DUOX1: variants seen among roughly 807,000 people sequenced by gnomAD.
DUOX1 encodes NADPH thyroid oxidase 1.
A neutral mutation model predicts 181.8 loss-of-function variants in DUOX1; 134 were observed. That is an observed-to-expected ratio of 0.74 (90% CI 0.64 to 0.85). The LOEUF is 0.85. DUOX1 is among the 40% of genes least tolerant of loss of function. The probability of loss-of-function intolerance (pLI) is 0.00; values close to 1 mark genes in which losing one functional copy is unlikely to be tolerated. For synonymous variants in DUOX1, 798 were observed against 832.5 expected, an observed-to-expected ratio of 0.96 and a Z score of 0.71; for missense variants, 1,814 against 2,064.4, an observed-to-expected ratio of 0.88 and a Z score of 2.35.
At chr15:45,143,075 C>A in intron 15 of DUOX1, 115 bp from the exon 16 acceptor site, 2 of 735,160 alleles carry the variant, frequency 2.7e-6, no homozygotes, top group African/African-American at 1.8e-5. Context: ...ATTGAGCAAG[C>A]TGACCTAGGA....
chr15:45,142,874 G>A (rs538092031), intron 15 of DUOX1, among the ~76,000 whole-genome samples: 43 of 152,216 alleles, frequency 2.8e-4, no homozygotes, highest in African/African-American at 1.0e-3. Flanking sequence ...TGGCAAGGCT[G>A]TGTGTGGGTC....
In DUOX1 at chr15:45,141,076, G is replaced by T. The variant is rs1386221814; in HGVS notation, c.1565+6G>T. On this transcript the variant is annotated splice_donor_region_variant and intron_variant, in intron 13 of 33. Coordinates refer to ENST00000389037, the MANE Select transcript of DUOX1 (RefSeq NM_175940.3). ...TTTGAGAACACCAGGAATGGGTAAGGCGTGCTGGGCCTCCGCCTCAGGCTC... is the reference window on the plus strand; with the variant it reads ...TTTGAGAACACCAGGAATGGGTAAGTCGTGCTGGGCCTCCGCCTCAGGCTC... 1 of 1,614,084 alleles carries T rather than the reference G, an allele frequency of 6.2e-7. No homozygotes were observed. The highest frequency in any genetic ancestry group is 8.5e-7 in the Non-Finnish European group (1 of 1,180,042).
At chr15:45,137,138 G>A (rs1039528652) in intron 9 of DUOX1, among the ~76,000 whole-genome samples, 10 of 149,720 alleles carry the variant, frequency 6.7e-5, no homozygotes, top group Non-Finnish European at 1.3e-4. Flanking sequence ...ACCTGAGGTC[G>A]GGAGTTAGAG....
At chr15:45,158,700 CAAAAAAAAAAAAAA>C (rs58522871) in intron 28 of DUOX1, among the ~76,000 whole-genome samples, 4 of 47,042 alleles carry the variant, frequency 8.5e-5, no homozygotes, top group Non-Finnish European at 1.0e-4. Context: ...ACTTCCATCT[CAAAAAAAAAAAAAA>C]AAAAAAAAAA....
intron 18 of DUOX1, 142 bp downstream of exon 18, chr15:45,145,222 G>T: frequency 1.3e-6 from 1 of 789,758 alleles, no homozygotes; most frequent in Non-Finnish European, 1.9e-6. Flanking sequence ...TGAATCACCA[G>T]ACTTTATCAT....
chr15:45,161,869 G>C lies in DUOX1; in HGVS notation c.3988G>C (p.Asp1330His). Residue 1330 changes from aspartate to histidine, a missense_variant, in exon 30 of 34, where the codon GAC (aspartate) becomes CAC (histidine). Around this residue, in one of 5 missense-constraint regions of DUOX1, gnomAD observed 279 missense variants for 381.9 expected, o/e 0.73. Transcript: ENST00000389037. ...PFTLTSAPHE[D>H]TLSLHIRAAG... is the part of the protein sequence containing the mutation. ...CACACTGACCTCTGCGCCCCATGAGGACACGCTTAGCCTGCACATCCGGGC... is the reference window on the plus strand; with the variant it reads ...CACACTGACCTCTGCGCCCCATGAGCACACGCTTAGCCTGCACATCCGGGC... 6.2e-7 allele frequency: 1 copy of C among 1,613,786 alleles called. No homozygotes were observed. The highest frequency in any genetic ancestry group is 8.5e-7 in the Non-Finnish European group (1 of 1,179,950).
chr15:45,141,090 C>T lies in DUOX1; in HGVS notation c.1565+20C>T, dbSNP rs779532602. The T allele has an allele frequency of 9.9e-6, 16 of 1,614,092 alleles. No homozygotes were observed. Among genetic ancestry groups the T allele is most frequent in the South Asian group, 7.7e-5 (7 of 91,072 alleles). The stretch of plus-strand genomic sequence containing the variant: ...GAATGGGTAAGGCGTGCTGGGCCTC[C>T]GCCTCAGGCTCTACCTCGGCCTGGG... On this transcript the variant is annotated intron_variant, in intron 13 of 33. Coordinates refer to ENST00000389037, the MANE Select transcript of DUOX1 (RefSeq NM_175940.3).
intron 15 of DUOX1, among the ~76,000 whole-genome samples, chr15:45,142,898 G>A (rs554628564): frequency 1.1e-4 from 16 of 152,186 alleles, no homozygotes; most frequent in South Asian, 8.3e-4. Context: ...TAGCAGCCTG[G>A]TGGGGTGAGT....
intron 31 of DUOX1, 93 bp downstream of exon 31, chr15:45,162,470 C>T: frequency 6.6e-7 from 1 of 1,505,636 alleles, no homozygotes; most frequent in Non-Finnish European, 9.0e-7. Flanking sequence ...TTGTTCTTGG[C>T]TTCCCTGAAC....
At chr15:45,147,881 T>C in intron 19 of DUOX1, 23 bp from the exon 20 acceptor site, 1 of 1,604,788 alleles carries the variant, frequency 6.2e-7, no homozygotes, top group Middle Eastern at 1.7e-4. Flanking sequence ...GGGGCTCTCC[T>C]TATGGAGTCC....
Position 45,135,682 on chromosome 15 carries a change from C to A in DUOX1, c.697+7C>A. 1.4e-6 allele frequency: 2 copies of A among 1,460,802 alleles called. No homozygotes were observed. Among genetic ancestry groups the A allele is most frequent in the East Asian group, 2.5e-5 (1 of 40,170 alleles). The allele number at this position is 1,460,802 out of a possible 1,614,324, so 90.5% of individuals were successfully genotyped here. On this transcript the variant is annotated splice_region_variant and intron_variant, in intron 6 of 33. Transcript: ENST00000389037. ...GGGCCCCGGGGGCTGTACGGTGAGG[C>A]CACAGGGGCGGGACGGGGCCGGCTG...
At position 45,159,879 on chromosome 15, in the gene DUOX1, G is replaced by A. The variant is rs376226876; in HGVS notation, c.3703-958G>A. ...AGGAAGCAAAAGTACTGTTGGCCGC[G>A]CGCGGTGGCTCACACCTGTAATCTC... On this transcript the variant is annotated intron_variant, in intron 28 of 33. Transcript: ENST00000389037. Among the ~76,000 whole-genome samples the A allele has an allele frequency of 5.9e-5, 9 of 152,172 alleles. 1 individual carries two copies. The South Asian group carries it at 1.2e-3, about 21-fold the overall frequency.
At chr15:45,159,117 T>C (rs756124231) in intron 28 of DUOX1, among the ~76,000 whole-genome samples, 1 of 152,120 alleles carries the variant, frequency 6.6e-6, no homozygotes, top group East Asian at 1.9e-4. Flanking sequence ...TGATAGGATA[T>C]TCAGGAGGCA....
intron 8 of DUOX1, 52 bp downstream of exon 8, chr15:45,136,462 G>C: frequency 6.2e-7 from 1 of 1,614,062 alleles, no homozygotes; most frequent in Non-Finnish European, 8.5e-7. Flanking sequence ...CTTGCGGGGT[G>C]GGGTGGGGAC....
In DUOX1 at chr15:45,131,870, T is replaced by C. The variant is rs575007232; in HGVS notation, c.-49-48T>C. Reference sequence around the variant, plus strand: ...ACAGAGGCCTGCAGAGTCTTTCACCTGATTCTTCTGAGTAGCTGGGGCTCA... The same window carrying C: ...ACAGAGGCCTGCAGAGTCTTTCACCCGATTCTTCTGAGTAGCTGGGGCTCA... On this transcript the variant is annotated intron_variant, in intron 1 of 33. Coordinates refer to ENST00000389037, the MANE Select transcript of DUOX1 (RefSeq NM_175940.3). 122 of 1,347,902 alleles carry C rather than the reference T, an allele frequency of 9.1e-5. No homozygotes were observed. In the East Asian group the frequency reaches 2.8e-3, roughly 30 times the overall value. 83.5% of individuals were successfully genotyped at this position (1,347,902 alleles called of 1,614,324 possible).
rs773755671 is a variant in DUOX1 at position 45,145,006 on chromosome 15, CTGA to C, written c.2252_2254del (p.Met751del). ...GGAGTGGGAGCTGCGGGAGCAGGAGCTGATGAGAGCAGCTGTGACACGGGAGCA... is the reference window on the plus strand; with the variant it reads ...GGAGTGGGAGCTGCGGGAGCAGGAGCTGAGAGCAGCTGTGACACGGGAGCA... On this transcript the variant is annotated inframe_deletion, in exon 18 of 34. Coordinates refer to ENST00000389037, the MANE Select transcript of DUOX1 (RefSeq NM_175940.3). 26 of 1,614,006 alleles carry C rather than the reference CTGA, an allele frequency of 1.6e-5. No homozygotes were observed. Among genetic ancestry groups the C allele is most frequent in the Non-Finnish European group, 2.2e-5 (26 of 1,180,010 alleles).
chr15:45,140,740 G>A, intron 12 of DUOX1, 155 bp from the exon 13 acceptor site: 1 of 659,764 alleles, frequency 1.5e-6, no homozygotes, highest in Non-Finnish European at 2.5e-6. Context: ...AACACTCAGA[G>A]AAGTGCCTGG....
At chr15:45,154,075 A>G in intron 27 of DUOX1, 75 bp downstream of exon 27, 1 of 1,398,230 alleles carries the variant, frequency 7.2e-7, no homozygotes, top group Non-Finnish European at 1.0e-6. Flanking sequence ...TGCACCCCAG[A>G]GCAACCCACG....
At position 45,160,838 on chromosome 15, in the gene DUOX1, T is replaced by C. The variant is rs1475119467; in HGVS notation, c.3704T>C (p.Leu1235Pro). The change falls in exon 29 of 34, where the codon CTC becomes CCC. Residue 1235 changes from leucine (L) to proline (P), a missense_variant and splice_region_variant. By Grantham distance (98) the Leu-to-Pro change is moderately conservative. Coordinates refer to ENST00000389037, the MANE Select transcript of DUOX1 (RefSeq NM_175940.3). ...AGCAGAGCTCTTTCCTCCATCTAGCTCATCATCCATGGTAGCTTTGCCCTG... is the reference window on the plus strand; with the variant it reads ...AGCAGAGCTCTTTCCTCCATCTAGCCCATCATCCATGGTAGCTTTGCCCTG... ...HHLYILLYVL[L>P]IIHGSFALIQ... 6.2e-7 allele frequency: 1 copy of C among 1,602,960 alleles called. No homozygotes were observed. Among genetic ancestry groups the C allele is most frequent in the Non-Finnish European group, 8.5e-7 (1 of 1,173,776 alleles).
Sources: allele counts gnomAD v4.1 joint callset (sites outside exome capture counted in the v4.1 genomes callset), GRCh38; gene constraint gnomAD v4.1.1; regional missense constraint gnomAD v4.1.1; transcripts MANE v1.5; gene names NCBI Gene and HGNC (gene_info 2026-07-23, HGNC 2026-07-21).